Variants in MAP6 observed in about 807,000 individuals in gnomAD.
The protein encoded by MAP6 is microtubule associated protein 6.
MAP6 carries 26 observed loss-of-function variants against 42.4 expected under a neutral mutation model. That is an observed-to-expected ratio of 0.61 (90% CI 0.45 to 0.85). MAP6 has a LOEUF of 0.85. Ranked by LOEUF, MAP6 falls within the 40% of genes least tolerant of loss-of-function variation. The probability of loss-of-function intolerance (pLI) is 0.00; values close to 1 mark genes in which losing one functional copy is unlikely to be tolerated. For missense variants in MAP6, 966 were observed against 1,099.0 expected (o/e 0.88, Z 1.71); for synonymous variants, 418 against 443.8 (o/e 0.94, Z 0.73).
At chr11:75,602,655 C>T (rs928424542) in intron 3 of MAP6, among the ~76,000 whole-genome samples, 1 of 152,160 alleles carries the variant, frequency 6.6e-6, no homozygotes, top group African/African-American at 2.4e-5. Context: ...GTGCGTCTCC[C>T]GGTCCATCTT....
chr11:75,652,113 T>G (rs1428677997), intron 1 of MAP6, among the ~76,000 whole-genome samples: 2 of 152,238 alleles, frequency 1.3e-5, no homozygotes, highest in Non-Finnish European at 2.9e-5. Context: ...TATTATTATA[T>G]TTTGAATTTT....
intron 1 of MAP6, among the ~76,000 whole-genome samples, chr11:75,654,568 G>A (rs972649108): frequency 2.6e-5 from 4 of 152,146 alleles, no homozygotes; most frequent in Non-Finnish European, 5.9e-5. Flanking sequence ...TAGGACAGTT[G>A]CTAGGTGTAA....
rs1443406645 is a variant in MAP6, at chr11:75,667,693, G to A, written c.677C>T (p.Ala226Val). Residue 226 changes from alanine to valine, a missense_variant, in exon 1 of 4, where the codon GCG (alanine) becomes GTG (valine). By Grantham distance (64) the Ala-to-Val change is moderately conservative. Coordinates refer to ENST00000304771, the MANE Select transcript of MAP6 (RefSeq NM_033063.2). The surrounding 1 kb of genome is among the most constrained non-coding windows in gnomAD (Gnocchi z 5.6). Reference protein sequence around the residue: ...EAAPGGAGGLAAGKASGADER... With the variant: ...EAAPGGAGGLVAGKASGADER... ...GTCCGCCCCGGACGCCTTTCCGGCC[G>A]CCAGGCCACCCGCTCCGCCGGGGGC... is the stretch of plus-strand genomic sequence containing the variant. 2 of 1,277,498 alleles carry A rather than the reference G, an allele frequency of 1.6e-6. No homozygotes were observed. The highest frequency in any genetic ancestry group is 9.8e-7 in the Non-Finnish European group (1 of 1,015,972). The allele number at this position is 1,277,498 out of a possible 1,614,324, so 79.1% of individuals were successfully genotyped here.
At chr11:75,612,345 C>G (rs1197358536) in intron 1 of MAP6, among the ~76,000 whole-genome samples, 3 of 152,194 alleles carry the variant, frequency 2.0e-5, no homozygotes, top group Admixed American at 2.0e-4. Context: ...GATGAGGTGT[C>G]TAGAGTTCAG....
chr11:75,605,670 C>G, intron 3 of MAP6, 138 bp downstream of exon 3: 24 of 1,458,998 alleles, frequency 1.6e-5, no homozygotes, highest in Non-Finnish European at 2.1e-5. Flanking sequence ...CCAAAGAGCT[C>G]CTGGAACACT....
chr11:75,645,989 T>C (rs1318138967), intron 1 of MAP6, among the ~76,000 whole-genome samples: 1 of 151,524 alleles, frequency 6.6e-6, no homozygotes, highest in South Asian at 2.1e-4. Flanking sequence ...TATTCAGGGA[T>C]ACTAGATGAG....
chr11:75,643,137 A>C (rs1943502011), intron 1 of MAP6, among the ~76,000 whole-genome samples: 1 of 152,004 alleles, frequency 6.6e-6, no homozygotes. Flanking sequence ...TACTGTAAAG[A>C]ATACTGTGTA....
intron 1 of MAP6, among the ~76,000 whole-genome samples, chr11:75,634,859 G>A (rs1375700765): frequency 5.9e-5 from 9 of 152,110 alleles, no homozygotes; most frequent in Admixed American, 2.6e-4. Context: ...CTATAATCTG[G>A]CAGCTATAAA....
chr11:75,647,341 C>T (rs1490898096), intron 1 of MAP6, among the ~76,000 whole-genome samples: 1 of 107,624 alleles, frequency 9.3e-6, no homozygotes, highest in South Asian at 3.0e-4. Context: ...AAAAAACCCA[C>T]CTGATCAAAA....
Position 75,635,404 on chromosome 11 carries a change from C to T in MAP6, c.906-27082G>A, listed in dbSNP as rs188139339. ...TGGCATCTGGTGCTTACAAAGTGTT[C>T]GTCTCCTTAAGCCCCTTCCATCAGC... On this transcript the variant is annotated intron_variant, in intron 1 of 3. Coordinates refer to ENST00000304771, the MANE Select transcript of MAP6 (RefSeq NM_033063.2). 5.9e-3 allele frequency among the ~76,000 whole-genome samples: 894 copies of T among 152,344 alleles called. 4 individuals are homozygous for T. Among genetic ancestry groups the T allele is most frequent in the Non-Finnish European group, 9.9e-3 (674 of 68,028 alleles).
At chr11:75,608,383 GACACAGGGCTGCAAAC>G in intron 1 of MAP6, 61 bp from the exon 2 acceptor site, 1 of 1,366,298 alleles carries the variant, frequency 7.3e-7, no homozygotes, top group Middle Eastern at 1.8e-4. Context: ...CAGAGCTCCT[GACACAGGGCTGCAAAC>G]ACAGCAAGCT....
chr11:75,617,825 G>A (rs1265274270), intron 1 of MAP6, among the ~76,000 whole-genome samples: 1 of 152,142 alleles, frequency 6.6e-6, no homozygotes, highest in African/African-American at 2.4e-5. Flanking sequence ...TAGGAATGCT[G>A]GGGTGGTTGT....
At chr11:75,635,701 T>C (rs1440866116) in intron 1 of MAP6, among the ~76,000 whole-genome samples, 4 of 152,222 alleles carry the variant, frequency 2.6e-5, no homozygotes, top group Non-Finnish European at 5.9e-5. Context: ...CATTCCTTCG[T>C]GAGCCATATC....
intron 1 of MAP6, among the ~76,000 whole-genome samples, chr11:75,665,010 T>C (rs545337583): frequency 1.3e-5 from 2 of 152,372 alleles, no homozygotes; most frequent in African/African-American, 2.4e-5. Context: ...TTTGATTATA[T>C]AGCAAAATAG....
At chr11:75,655,393 C>T (rs927284350) in intron 1 of MAP6, among the ~76,000 whole-genome samples, 1 of 152,150 alleles carries the variant, frequency 6.6e-6, no homozygotes, top group Admixed American at 6.5e-5. Flanking sequence ...GCTTGTGAGA[C>T]CCAGTTTAGG....
intron 1 of MAP6, among the ~76,000 whole-genome samples, chr11:75,624,515 G>A (rs890951541): frequency 6.6e-6 from 1 of 152,086 alleles, no homozygotes; most frequent in African/African-American, 2.4e-5. Context: ...GTCAGGGCCT[G>A]ACTGGAACCC....
intron 1 of MAP6, among the ~76,000 whole-genome samples, chr11:75,619,116 G>A (rs1943059162): frequency 6.6e-6 from 1 of 152,112 alleles, no homozygotes; most frequent in South Asian, 2.1e-4. Flanking sequence ...TGAGGCGTGT[G>A]TGCAAGGAGT....
At chr11:75,651,234 G>T (rs554089551) in intron 1 of MAP6, among the ~76,000 whole-genome samples, 1 of 152,190 alleles carries the variant, frequency 6.6e-6, no homozygotes, top group African/African-American at 2.4e-5. Context: ...TTCTACCAAG[G>T]GCTTGCAAAG....
chr11:75,592,406 T>C (rs1942497359), intron 3 of MAP6, among the ~76,000 whole-genome samples: 1 of 152,234 alleles, frequency 6.6e-6, no homozygotes, highest in Admixed American at 6.5e-5. Context: ...TTAAAAGTTA[T>C]TGTTGCTGAA....
Sources: gnomAD v4.1 joint callset for allele counts (sites outside exome capture counted in the v4.1 genomes callset) on GRCh38, gnomAD v4.1.1 for gene constraint, Gnocchi (gnomAD v3.1) non-coding constraint, MANE v1.5 for transcripts, NCBI Gene and HGNC (gene_info 2026-07-23, HGNC 2026-07-21) for gene names.